Variants in URB1 observed in about 807,000 individuals in gnomAD.
URB1 encodes the protein nucleolar pre-ribosomal-associated protein 1.
URB1 carries 197 observed loss-of-function variants against 242.3 expected under a neutral mutation model. The observed-to-expected ratio is 0.81, with a 90% CI of 0.72 to 0.91. URB1 has a LOEUF of 0.91. URB1 is among the 40% of genes least tolerant of loss of function. The pLI is 0.00. For synonymous variants in URB1, 1,153 were observed against 1,201.8 expected (o/e 0.96, Z 0.84); for missense variants, 2,721 against 2,860.5 (o/e 0.95, Z 1.11).
At chr21:32,366,828 C>A in intron 9 of URB1, 73 bp from the exon 10 acceptor site, 1 of 1,475,292 alleles carries the variant, frequency 6.8e-7, no homozygotes, top group South Asian at 1.3e-5. Flanking sequence ...TGTAGGCACC[C>A]AAAGGTGAAG....
At chr21:32,347,972 G>A (rs931012882) in intron 21 of URB1, among the ~76,000 whole-genome samples, 161 bp from the exon 22 acceptor site, 2 of 152,150 alleles carry the variant, frequency 1.3e-5, no homozygotes, top group Admixed American at 6.5e-5. Flanking sequence ...TGCCCCCCTC[G>A]GGGTGCCCAA....
intron 5 of URB1, 108 bp downstream of exon 5, chr21:32,378,337 C>T: frequency 2.0e-6 from 2 of 984,552 alleles, no homozygotes; most frequent in Non-Finnish European, 3.1e-6. Context: ...ATCTGGTGTA[C>T]ACAGCAACTG....
intron 29 of URB1, 30 bp downstream of exon 29, chr21:32,334,133 T>C (rs767252366): frequency 6.1e-5 from 91 of 1,502,102 alleles, no homozygotes; most frequent in South Asian, 5.6e-4. Context: ...GGTGAAGGGG[T>C]GGGTAGGGAC....
intron 32 of URB1, 135 bp downstream of exon 32, chr21:32,324,356 T>C (rs568399685): frequency 3.4e-5 from 24 of 715,718 alleles, no homozygotes; most frequent in Non-Finnish European, 5.7e-5. Context: ...GCTCCTCATC[T>C]TCCACAATCA....
chr21:32,391,836 G>A (rs901334921), intron 1 of URB1, among the ~76,000 whole-genome samples: 1 of 144,870 alleles, frequency 6.9e-6, no homozygotes, highest in Non-Finnish European at 1.5e-5. Flanking sequence ...AACATAGTGA[G>A]ATTCCATCTC....
chr21:32,330,403 A>G (rs889533324), intron 30 of URB1, among the ~76,000 whole-genome samples: 1 of 151,980 alleles, frequency 6.6e-6, no homozygotes, highest in Non-Finnish European at 1.5e-5. Context: ...AATTTAAGGT[A>G]AGGAAACTGG....
chr21:32,368,270 G>A lies in URB1; in HGVS notation c.1197+133C>T, dbSNP rs115639416. 7.0e-4 allele frequency: 505 copies of A among 717,540 alleles called. 3 individuals carry two copies. The highest frequency in any genetic ancestry group is 6.9e-3 in the African/African-American group (379 of 54,838). 44.4% of individuals were successfully genotyped at this position (717,540 alleles called of 1,614,324 possible). On this transcript the variant is annotated intron_variant, in intron 9 of 38. Coordinates refer to ENST00000382751, the MANE Select transcript of URB1 (RefSeq NM_014825.3). ...TTTAGTAAGAGACAGGTTTCGTCAC[G>A]TTGGCCAGGCTGGTCTCAAACTCCT...
chr21:32,391,874 C>T lies in URB1; in HGVS notation c.142+895G>A, dbSNP rs80111899. On this transcript the variant is annotated intron_variant, in intron 1 of 38. Coordinates refer to ENST00000382751, the MANE Select transcript of URB1 (RefSeq NM_014825.3). Reference sequence around the variant, plus strand: ...CAAAAAGTAAAAAAAAAAAAAAAAACATAGCTGGGCATGGTGTTGTGCACC... The same window carrying T: ...CAAAAAGTAAAAAAAAAAAAAAAAATATAGCTGGGCATGGTGTTGTGCACC... 2.4e-3 allele frequency among the ~76,000 whole-genome samples: 296 copies of T among 125,168 alleles called. 2 individuals are homozygous for T. Among genetic ancestry groups the T allele is most frequent in the East Asian group, 8.8e-3 (33 of 3,768 alleles). The allele number at this position is 125,168 out of a possible 152,430, so 82.1% of individuals were successfully genotyped here.
At chr21:32,381,873 C>T (rs1433570526) in intron 4 of URB1, among the ~76,000 whole-genome samples, 4 of 152,148 alleles carry the variant, frequency 2.6e-5, no homozygotes, top group African/African-American at 4.8e-5. Flanking sequence ...GGGTTCCTCA[C>T]GCTGCTCTAT....
chr21:32,314,948 C>T lies in URB1; in HGVS notation c.6786G>A (p.Lys2262=), dbSNP rs906320722. The part of the protein sequence containing the change: ...SEEEAIVVLC[K]DAASAASDA ...CATCTGAGGCTGCGCTGGCGGCGTC[C>T]TTGCAGAGCACCACGATGGCCTCCT... Residue 2262 remains lysine, a synonymous_variant, in exon 39 of 39, where the codon AAG becomes AAA. Transcript: ENST00000382751. 1.1e-5 allele frequency: 17 copies of T among 1,551,430 alleles called. No homozygotes were observed. The Admixed American group carries it at 3.1e-4, about 29-fold the overall frequency.
At chr21:32,387,707 T>G (rs1358485548) in intron 1 of URB1, among the ~76,000 whole-genome samples, 1 of 149,776 alleles carries the variant, frequency 6.7e-6, no homozygotes, top group Non-Finnish European at 1.5e-5. Context: ...CTTTAAGAAA[T>G]ACACTACAGT....
At position 32,317,063 on chromosome 21, in the gene URB1, T is replaced by C; in HGVS notation, c.6037A>G (p.Met2013Val). ...ACAGGCTTGTTCTTATCCTTGAGCATTTCTGTTAAATGCACAAAGAGAAGG... is the reference window on the plus strand; with the variant it reads ...ACAGGCTTGTTCTTATCCTTGAGCACTTCTGTTAAATGCACAAAGAGAAGG... ...EKAQARELMKMLKDKNKPVMP... is the reference protein window; with the variant it reads ...EKAQARELMKVLKDKNKPVMP... Residue 2013 changes from methionine to valine, a missense_variant and splice_region_variant, in exon 38 of 39, where the codon ATG becomes GTG. By Grantham distance (21) the Met-to-Val change is conservative. Transcript: ENST00000382751. 3 of 1,529,444 alleles carry C rather than the reference T, an allele frequency of 2.0e-6. No individual in the cohort carries two copies. The highest frequency in any genetic ancestry group is 2.6e-6 in the Non-Finnish European group (3 of 1,138,096). 94.7% of individuals were successfully genotyped at this position (1,529,444 alleles called of 1,614,324 possible).
At position 32,312,842 on chromosome 21, in the gene URB1, G is replaced by A. The variant is rs2409450; in HGVS notation, c.*2076C>T. 23,885 of 152,060 alleles carry A rather than the reference G, an allele frequency of 0.16. 2,541 individuals carry two copies. Among genetic ancestry groups the A allele is most frequent in the African/African-American group, 0.3 (12,431 of 41,422 alleles). 9.4% of individuals were successfully genotyped at this position (152,060 alleles called of 1,614,324 possible). Reference sequence around the variant, plus strand: ...TAGGTTTTATTTTTAAAATAACTGTGCCCCCCGCCCCACTTAAGATATTTC... The same window carrying A: ...TAGGTTTTATTTTTAAAATAACTGTACCCCCCGCCCCACTTAAGATATTTC... On this transcript the variant is annotated 3_prime_UTR_variant, in exon 39 of 39. Transcript: ENST00000382751.
chr21:32,338,800 G>T lies in URB1; in HGVS notation c.4417C>A (p.Pro1473Thr). ...TGCATGAGCATCACGTAGACCACCGGGAGCTGGATGAGCTTCGTGCGCACG... is the reference window on the plus strand; with the variant it reads ...TGCATGAGCATCACGTAGACCACCGTGAGCTGGATGAGCTTCGTGCGCACG... ...SSVRTKLIQL[P>T]VVYVMLMQHS... Residue 1473 changes from proline (P) to threonine (T), a missense_variant, in exon 26 of 39, where the codon CCG (proline) becomes ACG (threonine). Physicochemically the swap from Pro to Thr is conservative, Grantham distance 38 (BLOSUM62 -1). Transcript: ENST00000382751. The T allele has an allele frequency of 6.4e-7, 1 of 1,551,720 alleles. No individual in the cohort carries two copies.
intron 25 of URB1, among the ~76,000 whole-genome samples, chr21:32,340,440 C>T (rs1040295502): frequency 3.3e-5 from 5 of 152,118 alleles, no homozygotes; most frequent in Admixed American, 6.6e-5. Flanking sequence ...GGTGAAACCA[C>T]GTCTCTACTA....
Position 32,347,729 on chromosome 21 carries a change from G to A in URB1, c.3095C>T (p.Pro1032Leu), listed in dbSNP as rs1276406749. The A allele has an allele frequency of 5.8e-6, 9 of 1,550,220 alleles. No homozygotes were observed. In the East Asian group the frequency reaches 9.8e-5, roughly 17 times the overall value. The change falls in exon 22 of 39, where the codon CCG becomes CTG. Residue 1032 changes from proline (P) to leucine (L), a missense_variant. By Grantham distance (98) the Pro-to-Leu change is moderately conservative. Transcript: ENST00000382751. ...WFLALEQQAL[P>L]PHTLSPVLVK... The stretch of plus-strand genomic sequence containing the variant: ...GAGGACAGGGCTGAGCGTGTGCGGC[G>A]GGAGGGCCTGCTGCTCCAGGGCCAG...
intron 33 of URB1, 31 bp downstream of exon 33, chr21:32,322,447 G>A: frequency 6.6e-7 from 1 of 1,524,932 alleles, no homozygotes; most frequent in Non-Finnish European, 8.9e-7. Flanking sequence ...TCAGGGGCCT[G>A]CAGAAAGCCG....
At chr21:32,349,942 A>G (rs565524504) in intron 20 of URB1, among the ~76,000 whole-genome samples, 1 of 152,110 alleles carries the variant, frequency 6.6e-6, no homozygotes, top group African/African-American at 2.4e-5. Flanking sequence ...TAAAAATACA[A>G]AAATTAGCCA....
chr21:32,392,860 G>A lies in URB1; in HGVS notation c.51C>T (p.Ser17=), dbSNP rs750011419. 189 of 1,533,434 alleles carry A rather than the reference G, an allele frequency of 1.2e-4. No homozygotes were observed. Among genetic ancestry groups the A allele is most frequent in the Middle Eastern group, 5.2e-4 (3 of 5,764 alleles). The allele number at this position is 1,533,434 out of a possible 1,614,324, so 95.0% of individuals were successfully genotyped here. ...KASGGQDGAA[S]SAGAAKRARK... is the part of the protein sequence containing the mutation. ...GGGCGCGCTTGGCTGCACCCGCGGA[G>A]GAAGCCGCGCCGTCCTGGCCGCCCG... is the stretch of plus-strand genomic sequence containing the variant. The change falls in exon 1 of 39, where the codon TCC becomes TCT. Residue 17 remains serine (S), a synonymous_variant. Transcript: ENST00000382751.
Sources: allele counts gnomAD v4.1 joint callset (sites outside exome capture counted in the v4.1 genomes callset), GRCh38; gene constraint gnomAD v4.1.1; transcripts MANE v1.5; gene names NCBI Gene and HGNC (gene_info 2026-07-23, HGNC 2026-07-21).